XKR6: variants seen among roughly 807,000 people sequenced by gnomAD.
XKR6 encodes the protein XK-related protein 6.
In XKR6, 22 loss-of-function variants were observed where a neutral mutation model predicts 56.7. The ratio of observed to expected loss-of-function variants is 0.39; its 90% CI spans 0.28 to 0.55. The LOEUF (loss-of-function observed/expected upper bound fraction) is 0.55. Ranked by LOEUF, XKR6 falls within the 20% of genes least tolerant of loss-of-function variation. XKR6 has a pLI of 0.66. For missense variants in XKR6, 852 were observed against 889.0 expected (o/e 0.96, Z 0.53); for synonymous variants, 524 against 387.8 (o/e 1.35, Z -4.13).
At chr8:10,972,180 G>A (rs752876355) in intron 1 of XKR6, among the ~76,000 whole-genome samples, 25 of 152,200 alleles carry the variant, frequency 1.6e-4, no homozygotes, top group Non-Finnish European at 2.8e-4. Context: ...GGGTGACCTC[G>A]TTTTTTATTT....
chr8:11,071,836 A>T (rs1327462169), intron 1 of XKR6, among the ~76,000 whole-genome samples: 2 of 151,116 alleles, frequency 1.3e-5, no homozygotes, highest in Non-Finnish European at 2.9e-5. Flanking sequence ...CAATAACCCA[A>T]GTGAAAGTCC....
intron 1 of XKR6, among the ~76,000 whole-genome samples, chr8:11,145,474 T>C (rs991620343): frequency 2.0e-5 from 3 of 152,134 alleles, no homozygotes; most frequent in African/African-American, 7.2e-5. Flanking sequence ...ACACAGAAAT[T>C]CCCATAGCCG....
chr8:11,086,005 T>C (rs1797873716), intron 1 of XKR6, among the ~76,000 whole-genome samples: 1 of 152,030 alleles, frequency 6.6e-6, no homozygotes, highest in South Asian at 2.1e-4. Flanking sequence ...TCTAAGCTTC[T>C]TAATCAAAGT....
chr8:11,159,875 A>G (rs1220095494), intron 1 of XKR6, among the ~76,000 whole-genome samples: 1 of 152,220 alleles, frequency 6.6e-6, no homozygotes, highest in African/African-American at 2.4e-5. Flanking sequence ...GTTGTTGATT[A>G]GAGATATGAT....
intron 1 of XKR6, among the ~76,000 whole-genome samples, chr8:11,044,282 G>A (rs1799354693): frequency 6.6e-6 from 1 of 152,162 alleles, no homozygotes; most frequent in African/African-American, 2.4e-5. Flanking sequence ...AACATAAAGT[G>A]CATGTTTGCT....
intron 1 of XKR6, among the ~76,000 whole-genome samples, chr8:11,008,526 T>C (rs1024832349): frequency 6.9e-6 from 1 of 145,874 alleles, no homozygotes; most frequent in Non-Finnish European, 1.5e-5. Flanking sequence ...GCTTAAGCCA[T>C]CCTCCCATTT....
chr8:11,147,095 A>T lies in XKR6; in HGVS notation c.764+53481T>A, dbSNP rs574821294. Among the ~76,000 whole-genome samples the T allele has an allele frequency of 4.7e-4, 71 of 151,458 alleles. 1 individual carries two copies. The highest frequency in any genetic ancestry group is 3.7e-3 in the Admixed American group (56 of 15,208). ...GTTAGGTGTTCTTACCACAAAATTA[A>T]TAATAATAATAATAATAAATAAATA... On this transcript the variant is annotated intron_variant, in intron 1 of 2. Coordinates refer to ENST00000416569, the MANE Select transcript of XKR6 (RefSeq NM_173683.4).
chr8:10,990,394 C>T (rs966795610), intron 1 of XKR6, among the ~76,000 whole-genome samples: 3 of 152,190 alleles, frequency 2.0e-5, no homozygotes, highest in African/African-American at 7.2e-5. Context: ...CCCATCGTGG[C>T]TGGGAGATTT....
At chr8:11,064,063 C>T (rs529249115) in intron 1 of XKR6, among the ~76,000 whole-genome samples, 12 of 152,300 alleles carry the variant, frequency 7.9e-5, no homozygotes, top group African/African-American at 2.4e-4. Flanking sequence ...CTTTCTACTG[C>T]GTTTGGGTTC....
At chr8:10,910,448 G>A (rs936868950) in intron 2 of XKR6, among the ~76,000 whole-genome samples, 13 of 152,172 alleles carry the variant, frequency 8.5e-5, no homozygotes, top group African/African-American at 3.1e-4. Context: ...CTGATAAAGA[G>A]TGGATGACTG....
intron 1 of XKR6, among the ~76,000 whole-genome samples, chr8:11,156,006 C>A (rs529889902): frequency 8.1e-4 from 124 of 152,298 alleles, no homozygotes; most frequent in African/African-American, 2.4e-3. Context: ...ACCTGCTTTC[C>A]TTCTCTACTA....
chr8:11,004,161 T>C lies in XKR6; in HGVS notation c.765-79331A>G, dbSNP rs190179772. On this transcript the variant is annotated intron_variant, in intron 1 of 2. Coordinates refer to ENST00000416569, the MANE Select transcript of XKR6 (RefSeq NM_173683.4). ...GGAGTCTTGGGCTGGGGCAGTGAAA[T>C]GCTCAAGTCTATGTTAAAAAGCTCC... is the stretch of plus-strand genomic sequence containing the variant. 7.2e-5 allele frequency among the ~76,000 whole-genome samples: 11 copies of C among 152,184 alleles called. No individual in the cohort carries two copies. In the East Asian group the frequency reaches 1.9e-3, roughly 27 times the overall value.
chr8:11,134,920 TACAG>T (rs1460090591), intron 1 of XKR6, among the ~76,000 whole-genome samples: 1 of 152,076 alleles, frequency 6.6e-6, no homozygotes, highest in Admixed American at 6.5e-5. Flanking sequence ...CATTTAATAA[TACAG>T]AAAGATATTT....
At chr8:11,025,829 A>G (rs545137750) in intron 1 of XKR6, among the ~76,000 whole-genome samples, 1 of 152,248 alleles carries the variant, frequency 6.6e-6, no homozygotes, top group Admixed American at 6.5e-5. Context: ...GCCTATGTGT[A>G]TATACAGCCA....
chr8:11,132,170 C>G (rs188193414), intron 1 of XKR6, among the ~76,000 whole-genome samples: 25 of 152,144 alleles, frequency 1.6e-4, no homozygotes, highest in Admixed American at 1.1e-3. Context: ...CAGGCCCATA[C>G]TTTGAAAAGC....
chr8:11,021,423 C>T (rs1420082617), intron 1 of XKR6, among the ~76,000 whole-genome samples: 1 of 152,200 alleles, frequency 6.6e-6, no homozygotes, highest in Non-Finnish European at 1.5e-5. Flanking sequence ...AATGTATAAA[C>T]CCATGGACAG....
intron 1 of XKR6, among the ~76,000 whole-genome samples, chr8:10,951,596 T>TA (rs1215890712): frequency 6.6e-6 from 1 of 152,238 alleles, no homozygotes; most frequent in East Asian, 1.9e-4. Flanking sequence ...CTTCAGGGTC[T>TA]TCACCTGCAG....
chr8:11,016,342 C>G (rs1244327634), intron 1 of XKR6, among the ~76,000 whole-genome samples: 1 of 152,200 alleles, frequency 6.6e-6, no homozygotes, highest in African/African-American at 2.4e-5. Context: ...GGCGACTTGG[C>G]GTGCGGTGCT....
intron 1 of XKR6, chr8:11,137,580 A>T (rs1416003724): frequency 4.4e-6 from 2 of 456,266 alleles, no homozygotes; most frequent in Non-Finnish European, 4.4e-6. Flanking sequence ...CAGCAGGGAG[A>T]AGTTCTCTTT....
Sources: gnomAD v4.1 joint callset for allele counts (sites outside exome capture counted in the v4.1 genomes callset) on GRCh38, gnomAD v4.1.1 for gene constraint, MANE v1.5 for transcripts, NCBI Gene and HGNC (gene_info 2026-07-23, HGNC 2026-07-21) for gene names.